The following COTL1 variants were observed in gnomAD, a reference collection of about 807,000 sequenced individuals.
COTL1 encodes coactosin like F-actin binding protein 1.
A neutral mutation model predicts 16.5 loss-of-function variants in COTL1; 15 were observed. That is an observed-to-expected ratio of 0.91 (90% CI 0.61 to 1.40). The LOEUF is 1.40. Ranked by LOEUF, COTL1 falls within the 40% of genes most tolerant of loss-of-function variation. The pLI is 0.00. For missense variants in COTL1, 220 were observed against 201.5 expected (o/e 1.09, Z -0.56); for synonymous variants, 112 against 85.3 (o/e 1.31, Z -1.73).
In COTL1 at chr16:84,566,068, G is replaced by C. The variant is rs1222302112; in HGVS notation, c.*777C>G. On this transcript the variant is annotated 3_prime_UTR_variant, in exon 4 of 4. Coordinates refer to ENST00000262428, the MANE Select transcript of COTL1 (RefSeq NM_021149.5). The stretch of plus-strand genomic sequence containing the variant: ...GAAATACTCCCTCCGTCAACTCTGG[G>C]CTCAGACCTTTGCCCTTCTCTGTGT... 2 of 152,736 alleles carry C rather than the reference G, an allele frequency of 1.3e-5. No individual in the cohort carries two copies. Among genetic ancestry groups the C allele is most frequent in the African/African-American group, 4.8e-5 (2 of 41,462 alleles). The allele number at this position is 152,736 out of a possible 1,614,324, so 9.5% of individuals were successfully genotyped here.
chr16:84,599,536 A>G (rs1905071327), intron 2 of COTL1, among the ~76,000 whole-genome samples: 1 of 152,196 alleles, frequency 6.6e-6, no homozygotes, highest in East Asian at 1.9e-4. Flanking sequence ...ACTGATCACC[A>G]TGCCAGGCAT....
At chr16:84,569,508 G>A (rs992324048) in intron 3 of COTL1, among the ~76,000 whole-genome samples, 10 of 152,180 alleles carry the variant, frequency 6.6e-5, no homozygotes, top group Non-Finnish European at 1.5e-4. Context: ...TAACAAAGTG[G>A]AGAACGGGAG....
intron 3 of COTL1, among the ~76,000 whole-genome samples, chr16:84,573,768 TACAC>T (rs3086225): frequency 1.1e-4 from 16 of 146,198 alleles, no homozygotes; most frequent in South Asian, 4.3e-4. Context: ...TATATATACA[TACAC>T]ACACACACAC....
At chr16:84,597,935 A>C (rs1905039665) in intron 2 of COTL1, among the ~76,000 whole-genome samples, 1 of 152,152 alleles carries the variant, frequency 6.6e-6, no homozygotes, top group Non-Finnish European at 1.5e-5. Context: ...GGGTACCAGG[A>C]GGCCTTTCTG....
chr16:84,611,532 G>T (rs908683962), intron 2 of COTL1, among the ~76,000 whole-genome samples: 4 of 152,086 alleles, frequency 2.6e-5, no homozygotes, highest in African/African-American at 9.7e-5. Flanking sequence ...GGTCTGTCCT[G>T]GGAGATGACA....
At chr16:84,605,912 G>C (rs1597184226) in intron 2 of COTL1, among the ~76,000 whole-genome samples, 1 of 152,174 alleles carries the variant, frequency 6.6e-6, no homozygotes, top group East Asian at 1.9e-4. Context: ...GCCTAATAAA[G>C]GTCCACTGTT....
At chr16:84,616,994 C>CATATAT (rs1905503235) in intron 2 of COTL1, among the ~76,000 whole-genome samples, 1 of 152,210 alleles carries the variant, frequency 6.6e-6, no homozygotes, top group South Asian at 2.1e-4. Context: ...TAAATGGAAT[C>CATATAT]ATATGGTGTG....
intron 3 of COTL1, among the ~76,000 whole-genome samples, chr16:84,583,073 C>G (rs1279532715): frequency 1.3e-5 from 2 of 152,220 alleles, no homozygotes; most frequent in African/African-American, 4.8e-5. Flanking sequence ...GCCTTCGAAC[C>G]TCTTCCCTGG....
intron 2 of COTL1, among the ~76,000 whole-genome samples, chr16:84,604,012 C>T (rs1347164469): frequency 7.5e-6 from 1 of 133,400 alleles, no homozygotes; most frequent in Non-Finnish European, 1.6e-5. Flanking sequence ...ACCCCATGCT[C>T]CCCACTCCCT....
At chr16:84,586,173 A>G (rs1904728725) in intron 3 of COTL1, among the ~76,000 whole-genome samples, 1 of 152,210 alleles carries the variant, frequency 6.6e-6, no homozygotes, top group South Asian at 2.1e-4. Flanking sequence ...CCAACCCCAG[A>G]GAAAAACAGA....
chr16:84,568,599 A>T (rs959888247), intron 3 of COTL1: 1 of 152,184 alleles, frequency 6.6e-6, no homozygotes, highest in African/African-American at 2.4e-5. Flanking sequence ...AAAAAGGCAA[A>T]CCCATACAGA....
intron 2 of COTL1, among the ~76,000 whole-genome samples, chr16:84,603,638 G>C (rs142172679): frequency 1.3e-5 from 2 of 152,256 alleles, no homozygotes; most frequent in African/African-American, 4.8e-5. Flanking sequence ...CGGTGACAAT[G>C]GCAACAGACT....
chr16:84,611,933 C>T (rs1905338041), intron 2 of COTL1, among the ~76,000 whole-genome samples: 1 of 152,102 alleles, frequency 6.6e-6, no homozygotes, highest in African/African-American at 2.4e-5. Flanking sequence ...GGCCCCTTTC[C>T]CTCCACCTCT....
At chr16:84,603,309 G>C (rs1006420568) in intron 2 of COTL1, among the ~76,000 whole-genome samples, 1 of 152,192 alleles carries the variant, frequency 6.6e-6, no homozygotes, top group Non-Finnish European at 1.5e-5. Context: ...ATCCGAGGCA[G>C]AACCTCCCCT....
Position 84,617,801 on chromosome 16 carries a change from G to C in COTL1, c.77+37C>G, listed in dbSNP as rs1344699917. 4.5e-6 allele frequency: 7 copies of C among 1,544,052 alleles called. No individual in the cohort carries two copies. The East Asian group carries it at 1.4e-4, about 32-fold the overall frequency. Reference sequence around the variant, plus strand: ...GGTGCACGAGGCCCCGCGCGAGCCCGGGGAGCGGGGCGTGGAGACGAATGA... The same window carrying C: ...GGTGCACGAGGCCCCGCGCGAGCCCCGGGAGCGGGGCGTGGAGACGAATGA... On this transcript the variant is annotated intron_variant, in intron 1 of 3. Coordinates refer to ENST00000262428, the MANE Select transcript of COTL1 (RefSeq NM_021149.5).
At chr16:84,592,763 T>G (rs1904901800) in intron 2 of COTL1, among the ~76,000 whole-genome samples, 1 of 152,146 alleles carries the variant, frequency 6.6e-6, no homozygotes, top group South Asian at 2.1e-4. Context: ...CTGGTGATTA[T>G]CTCAAAACCG....
At chr16:84,594,096 C>T (rs1276746458) in intron 2 of COTL1, among the ~76,000 whole-genome samples, 3 of 149,678 alleles carry the variant, frequency 2.0e-5, no homozygotes, top group Non-Finnish European at 3.0e-5. Flanking sequence ...GCCGCATGTG[C>T]GGGTCACCAC....
intron 3 of COTL1, among the ~76,000 whole-genome samples, chr16:84,573,672 G>C (rs1029746523): frequency 1.3e-5 from 2 of 151,444 alleles, no homozygotes; most frequent in Non-Finnish European, 2.9e-5. Flanking sequence ...CCGGGGAGGC[G>C]GAAGTTGCAG....
intron 3 of COTL1, 57 bp from the exon 4 acceptor site, chr16:84,567,012 A>C (rs898800307): frequency 1.4e-5 from 17 of 1,239,838 alleles, no homozygotes; most frequent in Non-Finnish European, 1.9e-5. Context: ...ACAGGATGTG[A>C]GGGTGGCTCA....
Sources: gnomAD v4.1 joint callset for allele counts (sites outside exome capture counted in the v4.1 genomes callset) on GRCh38, gnomAD v4.1.1 for gene constraint, MANE v1.5 for transcripts, NCBI Gene and HGNC (gene_info 2026-07-23, HGNC 2026-07-21) for gene names.